The following CDC42 variants were observed in gnomAD, a reference collection of about 807,000 sequenced individuals.
The protein encoded by CDC42 is cell division cycle 42.
Under a neutral mutation model 20.8 loss-of-function variants are expected in CDC42, and 1 was observed. The ratio of observed to expected loss-of-function variants is 0.05; its 90% CI spans 0.02 to 0.23. The LOEUF is 0.23. Ranked by LOEUF, CDC42 falls within the 10% of genes least tolerant of loss-of-function variation. CDC42 has a pLI of 1.00. For missense variants in CDC42, 49 were observed against 227.9 expected (o/e 0.21, Z 5.05); for synonymous variants, 72 against 84.8 (o/e 0.85, Z 0.83).
intron 1 of CDC42, among the ~76,000 whole-genome samples, chr1:22,072,090 CCTTTTTTTT>C (rs1645498491): frequency 9.4e-6 from 1 of 106,652 alleles, no homozygotes; most frequent in Non-Finnish European, 1.9e-5. Flanking sequence ...GTTTTACTTA[CCTTTTTTTT>C]TTTTTTTTTT....
Position 22,075,715 on chromosome 1 carries a change from G to A in CDC42, c.-50-2714G>A, listed in dbSNP as rs566295270. ...TTATCTTAGTTTACCTTATGAGAAA[G>A]GTAGTACTGTTTTCATTTTTAGAGA... is the stretch of plus-strand genomic sequence containing the variant. On this transcript the variant is annotated intron_variant, in intron 1 of 5. Coordinates refer to ENST00000656825, the MANE Select transcript of CDC42 (RefSeq NM_001791.4). Among the ~76,000 whole-genome samples, 240 of 152,282 alleles carry A rather than the reference G, an allele frequency of 1.6e-3. 1 individual carries two copies. The highest frequency in any genetic ancestry group is 5.7e-3 in the African/African-American group (235 of 41,546).
rs1024358266 is a variant in CDC42 at position 22,094,510 on chromosome 1, A to G, written c.*2993A>G. On this transcript the variant is annotated 3_prime_UTR_variant, in exon 6 of 6. Coordinates refer to ENST00000656825, the MANE Select transcript of CDC42 (RefSeq NM_001791.4). The stretch of plus-strand genomic sequence containing the variant: ...GACGGGGTTTCACCGTGTTAGCCAG[A>G]ATGGTCTCGATCTCCTGACCTCGTG... Among the ~76,000 whole-genome samples the G allele has an allele frequency of 2.1e-5, 3 of 143,722 alleles. No individual in the cohort carries two copies. Among genetic ancestry groups the G allele is most frequent in the African/African-American group, 5.5e-5 (2 of 36,654 alleles). 94.3% of individuals were successfully genotyped at this position (143,722 alleles called of 152,430 possible).
chr1:22,082,983 G>A (rs1302550642), intron 3 of CDC42, among the ~76,000 whole-genome samples: 2 of 151,132 alleles, frequency 1.3e-5, no homozygotes, highest in Admixed American at 1.3e-4. Context: ...AGGTTCAAGC[G>A]ATTCTTCTGC....
In CDC42 at chr1:22,100,377, G is replaced by A. The variant is rs560060432; in HGVS notation, c.*8860G>A. 5.9e-5 allele frequency among the ~76,000 whole-genome samples: 9 copies of A among 152,194 alleles called. No individual in the cohort carries two copies. The highest frequency in any genetic ancestry group is 1.0e-4 in the Non-Finnish European group (7 of 68,028). ...ATTTGTCAAATGGTAAAACTGAGGC[G>A]AAACAACTTGGCATTGTTGGTGTTG... On this transcript the variant is annotated 3_prime_UTR_variant, in exon 6 of 6. Transcript: ENST00000656825.
chr1:22,072,091 C>CTTT (rs55929932), intron 1 of CDC42, among the ~76,000 whole-genome samples: 312 of 70,804 alleles, frequency 4.4e-3, no homozygotes, highest in Non-Finnish European at 5.7e-3. Flanking sequence ...TTTTACTTAC[C>CTTT]TTTTTTTTTT....
intron 1 of CDC42, among the ~76,000 whole-genome samples, chr1:22,072,447 C>T (rs1156318772): frequency 1.3e-5 from 2 of 152,000 alleles, no homozygotes; most frequent in African/African-American, 2.4e-5. Context: ...TCACGAACAG[C>T]CAAATGGAAG....
intron 5 of CDC42, among the ~76,000 whole-genome samples, chr1:22,088,962 C>T (rs778397864): frequency 3.9e-5 from 6 of 152,108 alleles, no homozygotes; most frequent in Admixed American, 6.5e-5. Flanking sequence ...CATGTGGGTA[C>T]CAGTCCTGTG....
rs1429027339 is a variant in CDC42, at chr1:22,097,341, C to G, written c.*5824C>G. 1.3e-5 allele frequency among the ~76,000 whole-genome samples: 2 copies of G among 152,148 alleles called. No individual in the cohort carries two copies. Among genetic ancestry groups the G allele is most frequent in the Admixed American group, 1.3e-4 (2 of 15,272 alleles). ...GCGTGATCTCGGCTTGCTGCAATCT[C>G]TGCAATTCTCATGCCTCAGCCTCCC... On this transcript the variant is annotated 3_prime_UTR_variant, in exon 6 of 6. Coordinates refer to ENST00000656825, the MANE Select transcript of CDC42 (RefSeq NM_001791.4).
intron 1 of CDC42, chr1:22,068,535 A>G (rs915155020): frequency 3.3e-5 from 5 of 152,822 alleles, no homozygotes; most frequent in South Asian, 2.1e-4. Flanking sequence ...TTCATCTTCA[A>G]TTTCTGCTTT....
chr1:22,060,070 G>C (rs1218706657), intron 1 of CDC42, among the ~76,000 whole-genome samples: 1 of 151,912 alleles, frequency 6.6e-6, no homozygotes, highest in Admixed American at 6.6e-5. Context: ...GGCTGGGTGC[G>C]GTGGCTCATG....
chr1:22,097,484 C>T lies in CDC42; in HGVS notation c.*5967C>T, dbSNP rs534851984. Among the ~76,000 whole-genome samples, 8 of 152,304 alleles carry T rather than the reference C, an allele frequency of 5.3e-5. No homozygotes were observed. The highest frequency in any genetic ancestry group is 1.7e-4 in the African/African-American group (7 of 41,566). On this transcript the variant is annotated 3_prime_UTR_variant, in exon 6 of 6. Transcript: ENST00000656825. ...CTTGAACTCCTGACCTCAGGTGATC[C>T]GCCCGTTGCGGCCTCCCTAAGTGCT...
At chr1:22,088,926 T>G in intron 5 of CDC42, among the ~76,000 whole-genome samples, 1 of 152,088 alleles carries the variant, frequency 6.6e-6, no homozygotes, top group East Asian at 1.9e-4. Flanking sequence ...TACTGCTGTT[T>G]CTGATTTATT....
intron 3 of CDC42, among the ~76,000 whole-genome samples, chr1:22,084,781 T>C (rs1467576716): frequency 6.6e-6 from 1 of 152,196 alleles, no homozygotes; most frequent in Non-Finnish European, 1.5e-5. Context: ...GTTTTAGGTC[T>C]AACATTTAGA....
intron 1 of CDC42, among the ~76,000 whole-genome samples, chr1:22,060,572 T>A (rs1645351983): frequency 6.6e-6 from 1 of 152,192 alleles, no homozygotes; most frequent in South Asian, 2.1e-4. Flanking sequence ...GAAGACAGTT[T>A]AGGAGTATTT....
In CDC42 at chr1:22,091,791, G is replaced by GTTTTTTTTTTTTTTTTTT. The variant is rs150558595; in HGVS notation, c.*275_*276insTTTTTTTTTTTTTTTTTT. 2.6e-5 allele frequency: 2 copies of GTTTTTTTTTTTTTTTTTT among 77,876 alleles called. No homozygotes were observed. The highest frequency in any genetic ancestry group is 5.4e-5 in the African/African-American group (1 of 18,600). The allele number at this position is 77,876 out of a possible 1,614,324, so 4.8% of individuals were successfully genotyped here. ...TCAAAAAAAAAATTTTTGTGTGTGT[G>GTTTTTTTTTTTTTTTTTT]TGTTTTTTTTTTTTTTTTTTTTGTT... On this transcript the variant is annotated 3_prime_UTR_variant, in exon 6 of 6. Transcript: ENST00000656825.
intron 1 of CDC42, among the ~76,000 whole-genome samples, chr1:22,065,947 AC>A (rs1230697880): frequency 6.6e-6 from 1 of 152,004 alleles, no homozygotes; most frequent in Non-Finnish European, 1.5e-5. Flanking sequence ...TTTAGCAGAG[AC>A]GGGATTTCAC....
rs1458530341 is a variant in CDC42 at position 22,101,124 on chromosome 1, G to A, written c.*9607G>A. The A allele has an allele frequency of 6.6e-6, 1 of 152,158 alleles. No individual in the cohort carries two copies. The highest frequency in any genetic ancestry group is 1.5e-5 in the Non-Finnish European group (1 of 68,036). 9.4% of individuals were successfully genotyped at this position (152,158 alleles called of 1,614,324 possible). ...ATCTCCTCTGCTGCTAGAAAACTCC[G>A]TGAACCCTGGTACATATAGCGTGAT... On this transcript the variant is annotated 3_prime_UTR_variant, in exon 6 of 6. Transcript: ENST00000656825.
chr1:22,069,576 C>T (rs1057484145), intron 1 of CDC42, among the ~76,000 whole-genome samples: 1 of 150,076 alleles, frequency 6.7e-6, no homozygotes, highest in Non-Finnish European at 1.5e-5. Flanking sequence ...CTCCCCTCAG[C>T]CTCCCCAGTA....
intron 3 of CDC42, among the ~76,000 whole-genome samples, chr1:22,083,863 T>G (rs1645632933): frequency 6.6e-6 from 1 of 152,230 alleles, no homozygotes; most frequent in Admixed American, 6.5e-5. Context: ...TTCTACTGTT[T>G]TGCTTTTCTA....
Sources: allele counts gnomAD v4.1 joint callset (sites outside exome capture counted in the v4.1 genomes callset), GRCh38; gene constraint gnomAD v4.1.1; transcripts MANE v1.5; gene names NCBI Gene and HGNC (gene_info 2026-07-23, HGNC 2026-07-21).